CISD2: variants seen among roughly 807,000 people sequenced by gnomAD.
CISD2 encodes CDGSH iron sulfur domain 2, also known as CDGSH iron-sulfur domain-containing protein 2.
CISD2 carries 1 observed loss-of-function variant against 12.9 expected under a neutral mutation model. The ratio of observed to expected loss-of-function variants is 0.08; its 90% CI spans 0.03 to 0.37. The LOEUF is 0.37. Ranked by LOEUF, CISD2 falls within the 10% of genes least tolerant of loss-of-function variation. The probability of loss-of-function intolerance (pLI) is 0.99; values close to 1 mark genes in which losing one functional copy is unlikely to be tolerated. For missense variants in CISD2, 97 were observed against 163.1 expected, an observed-to-expected ratio of 0.59 and a Z score of 2.21; for synonymous variants, 50 against 60.6, an observed-to-expected ratio of 0.83 and a Z score of 0.81.
At chr4:102,870,609 T>C (rs986501027) in intron 1 of CISD2, among the ~76,000 whole-genome samples, 1 of 152,106 alleles carries the variant, frequency 6.6e-6, no homozygotes, top group African/African-American at 2.4e-5. Context: ...AAAAGGAACA[T>C]TAAACATCAG....
At chr4:102,879,285 A>G (rs1210391834) in intron 1 of CISD2, among the ~76,000 whole-genome samples, 3 of 152,064 alleles carry the variant, frequency 2.0e-5, no homozygotes, top group Non-Finnish European at 4.4e-5. Context: ...TAATAATTAT[A>G]TAGTAAAAAT....
At position 102,869,240 on chromosome 4, in the gene CISD2, G is replaced by T. The variant is rs974799382; in HGVS notation, c.103+53G>T. 6 of 1,557,634 alleles carry T rather than the reference G, an allele frequency of 3.9e-6. No individual in the cohort carries two copies. In the Admixed American group the frequency reaches 1.1e-4, roughly 30 times the overall value. On this transcript the variant is annotated intron_variant, in intron 1 of 2. Coordinates refer to ENST00000273986, the MANE Select transcript of CISD2 (RefSeq NM_001008388.5). ...ATCCTTGCACGTTCGCCAAGCGGGG[G>T]AAGGAGGCGTAAAAATCCTAGGGCC...
At position 102,869,028 on chromosome 4, in the gene CISD2, C is replaced by G. The variant is rs1052097472; in HGVS notation, c.-57C>G. 4.6e-6 allele frequency: 7 copies of G among 1,525,872 alleles called. No homozygotes were observed. The highest frequency in any genetic ancestry group is 5.3e-6 in the Non-Finnish European group (6 of 1,135,872). The allele number at this position is 1,525,872 out of a possible 1,614,324, so 94.5% of individuals were successfully genotyped here. ...GCCGCTTCCGCTCCCGGCGCAGGCG[C>G]GGCAGCTTGGCCAGAGCGGAGGGGG... is the stretch of plus-strand genomic sequence containing the variant. On this transcript the variant is annotated 5_prime_UTR_variant, in exon 1 of 3. Coordinates refer to ENST00000273986, the MANE Select transcript of CISD2 (RefSeq NM_001008388.5).
Position 102,869,081 on chromosome 4 carries a change from C to A in CISD2, c.-4C>A. 6.2e-7 allele frequency: 1 copy of A among 1,608,792 alleles called. No homozygotes were observed. Among genetic ancestry groups the A allele is most frequent in the Non-Finnish European group, 8.5e-7 (1 of 1,178,056 alleles). ...CGGGAGAGGAGTGGACGCCGCTGGC[C>A]AGGATGGTGCTGGAGAGCGTGGCCC... On this transcript the variant is annotated 5_prime_UTR_variant, in exon 1 of 3. Coordinates refer to ENST00000273986, the MANE Select transcript of CISD2 (RefSeq NM_001008388.5).
rs543494475 is a variant in CISD2, at chr4:102,888,706, G to A, written c.*1276G>A. The A allele has an allele frequency of 2.7e-4, 41 of 152,382 alleles. No homozygotes were observed. The highest frequency in any genetic ancestry group is 9.1e-4 in the African/African-American group (38 of 41,590). 9.4% of individuals were successfully genotyped at this position (152,382 alleles called of 1,614,324 possible). On this transcript the variant is annotated 3_prime_UTR_variant, in exon 3 of 3. Transcript: ENST00000273986. ...CCAACTGCTGGGAAGATTGAGGTGG[G>A]AGGATGGCTGCAGTACAAGAGCCCA... is the stretch of plus-strand genomic sequence containing the variant.
intron 1 of CISD2, among the ~76,000 whole-genome samples, chr4:102,881,116 T>G (rs1733710367): frequency 1.3e-5 from 2 of 152,266 alleles, no homozygotes; most frequent in South Asian, 4.1e-4. Flanking sequence ...CTAGCACATG[T>G]AAAATTTTTT....
At chr4:102,883,383 T>A (rs1733773193) in intron 1 of CISD2, among the ~76,000 whole-genome samples, 1 of 152,214 alleles carries the variant, frequency 6.6e-6, no homozygotes, top group African/African-American at 2.4e-5. Flanking sequence ...TGCCTTGCCT[T>A]TTCCATGGAA....
chr4:102,873,232 A>G (rs1475835136), intron 1 of CISD2, among the ~76,000 whole-genome samples: 1 of 152,178 alleles, frequency 6.6e-6, no homozygotes, highest in Non-Finnish European at 1.5e-5. Context: ...CAAATCAGCT[A>G]TTCAAGTTGC....
At chr4:102,885,455 C>T in intron 2 of CISD2, 25 bp downstream of exon 2, 2 of 1,593,298 alleles carry the variant, frequency 1.3e-6, no homozygotes, top group Non-Finnish European at 1.7e-6. Context: ...TACGTGTACA[C>T]TAAAATTTTG....
chr4:102,881,283 G>T (rs1200723070), intron 1 of CISD2, among the ~76,000 whole-genome samples: 1 of 152,180 alleles, frequency 6.6e-6, no homozygotes, highest in East Asian at 1.9e-4. Flanking sequence ...GGCCAGGAAG[G>T]GTAGGGAGGG....
At position 102,878,540 on chromosome 4, in the gene CISD2, A is replaced by G. The variant is rs181140702; in HGVS notation, c.104-6676A>G. Among the ~76,000 whole-genome samples, 44 of 152,314 alleles carry G rather than the reference A, an allele frequency of 2.9e-4. No individual in the cohort carries two copies. The East Asian group carries it at 5.6e-3, about 19-fold the overall frequency. ...TCAGGTCATCTCTCTCTCAAGTTTC[A>G]TCAGTCTCTTGGGCAGGGGCAAAAT... is the stretch of plus-strand genomic sequence containing the variant. On this transcript the variant is annotated intron_variant, in intron 1 of 2. Transcript: ENST00000273986.
At chr4:102,869,212 C>T (rs1250286950) in intron 1 of CISD2, 25 bp downstream of exon 1, 1 of 1,587,142 alleles carries the variant, frequency 6.3e-7, no homozygotes, top group African/African-American at 1.3e-5. Flanking sequence ...TCAGCCAGTC[C>T]CCATCCTTGC....
chr4:102,878,971 G>A (rs1420621127), intron 1 of CISD2, among the ~76,000 whole-genome samples: 2 of 152,186 alleles, frequency 1.3e-5, no homozygotes, highest in African/African-American at 2.4e-5. Flanking sequence ...AGTTACGCAT[G>A]ACTAGGGAGG....
chr4:102,869,644 C>G (rs890634270), intron 1 of CISD2: 2 of 626,650 alleles, frequency 3.2e-6, no homozygotes, highest in African/African-American at 3.7e-5. Context: ...GAAATATAGA[C>G]TTACACGTAA....
Position 102,885,420 on chromosome 4 carries a change from G to A in CISD2, c.308G>A (p.Arg103His). ...AAAGCAGCTTATTGTAGGTGTTGGC[G>A]TTCTAAAACGGTAAGATGTCTGTTT... ...LTKAAYCRCW[R>H]SKTFPACDGS... The change falls in exon 2 of 3, where the codon CGT becomes CAT. Residue 103 changes from arginine to histidine, a missense_variant. By Grantham distance (29) the Arg-to-His change is conservative. This residue lies in a region of CISD2 where 8 missense variants were observed against 48.7 expected (regional missense o/e 0.16). Transcript: ENST00000273986. 1.2e-6 allele frequency: 2 copies of A among 1,613,550 alleles called. No individual in the cohort carries two copies. Among genetic ancestry groups the A allele is most frequent in the Non-Finnish European group, 8.5e-7 (1 of 1,179,576 alleles).
At position 102,889,991 on chromosome 4, in the gene CISD2, A is replaced by ATTG. The variant is rs1734157092; in HGVS notation, c.*2562_*2563insTGT. 3.4e-5 allele frequency: 1 copy of ATTG among 29,766 alleles called. No individual in the cohort carries two copies. Among genetic ancestry groups the ATTG allele is most frequent in the South Asian group, 8.2e-4 (1 of 1,214 alleles). The allele number at this position is 29,766 out of a possible 1,614,324, so 1.8% of individuals were successfully genotyped here. On this transcript the variant is annotated 3_prime_UTR_variant, in exon 3 of 3. Transcript: ENST00000273986. ...TACAGCCCTGTTGTTACTGCGTCAC[A>ATTG]TGATTGTTTTGAGGACTGCTTCTGC...
Position 102,889,809 on chromosome 4 carries a change from A to G in CISD2, c.*2379A>G, listed in dbSNP as rs1433973442. On this transcript the variant is annotated 3_prime_UTR_variant, in exon 3 of 3. Transcript: ENST00000273986. ...ACTTCTTGTAAATTTACACAATTTT[A>G]TCTTGTCCATCTTTAAAAAATAGAC... is the stretch of plus-strand genomic sequence containing the variant. 6.6e-6 allele frequency: 1 copy of G among 152,208 alleles called. No individual in the cohort carries two copies. The highest frequency in any genetic ancestry group is 1.5e-5 in the Non-Finnish European group (1 of 68,028). The allele number at this position is 152,208 out of a possible 1,614,324, so 9.4% of individuals were successfully genotyped here.
At position 102,869,071 on chromosome 4, in the gene CISD2, C is replaced by T. The variant is rs1180471880; in HGVS notation, c.-14C>T. On this transcript the variant is annotated 5_prime_UTR_variant, in exon 1 of 3. The change creates a new upstream start codon in the 5' untranslated region. Transcript: ENST00000273986. ...GGAGGGGGCTCGGGAGAGGAGTGGA[C>T]GCCGCTGGCCAGGATGGTGCTGGAG... 3.7e-6 allele frequency: 6 copies of T among 1,602,418 alleles called. No individual in the cohort carries two copies. Among genetic ancestry groups the T allele is most frequent in the Non-Finnish European group, 5.1e-6 (6 of 1,175,336 alleles).
chr4:102,882,143 A>G (rs1285254275), intron 1 of CISD2, among the ~76,000 whole-genome samples: 1 of 152,090 alleles, frequency 6.6e-6, no homozygotes, highest in Non-Finnish European at 1.5e-5. Flanking sequence ...AGTGACCAAG[A>G]GCACACCACT....
Sources: gnomAD v4.1 joint callset for allele counts (sites outside exome capture counted in the v4.1 genomes callset) on GRCh38, gnomAD v4.1.1 for gene constraint, gnomAD v4.1.1 regional missense constraint, MANE v1.5 for transcripts, NCBI Gene and HGNC (gene_info 2026-07-23, HGNC 2026-07-21) for gene names.